Variants in ZBTB20 observed in about 807,000 individuals in gnomAD.
The protein encoded by ZBTB20 is zinc finger and BTB domain-containing protein 20.
A neutral mutation model predicts 56.9 loss-of-function variants in ZBTB20; 9 were observed. That is an observed-to-expected ratio of 0.16 (90% CI 0.10 to 0.28). The LOEUF (loss-of-function observed/expected upper bound fraction) is 0.28, where lower values mean the gene tolerates loss of function less well. Among genes scored for constraint, ZBTB20 ranks in the 10% least tolerant of loss-of-function variants. The pLI, the probability that ZBTB20 is intolerant of heterozygous loss-of-function variation, is 1.00. For missense variants in ZBTB20, 655 were observed against 1,003.0 expected (o/e 0.65, Z 4.69); for synonymous variants, 417 against 420.7 (o/e 0.99, Z 0.11).
chr3:114,526,521 T>A (rs1436963588), intron 6 of ZBTB20, among the ~76,000 whole-genome samples: 3 of 152,080 alleles, frequency 2.0e-5, no homozygotes, highest in Admixed American at 2.0e-4. Flanking sequence ...TGATAAATAA[T>A]AAATAATAAT....
Position 114,317,088 on chromosome 3 carries a change from A to G in ZBTB20, c.*21917T>C, listed in dbSNP as rs1417056730. ...CATGGCCCCTGCATGCTCAAACATC[A>G]CCCATATGTCCCCACGCCTAAGGCT... On this transcript the variant is annotated 3_prime_UTR_variant, in exon 12 of 12. Transcript: ENST00000675478. 6.5e-6 allele frequency: 1 copy of G among 154,402 alleles called. No homozygotes were observed. The highest frequency in any genetic ancestry group is 1.4e-5 in the Non-Finnish European group (1 of 69,468). The allele number at this position is 154,402 out of a possible 1,614,324, so 9.6% of individuals were successfully genotyped here.
chr3:115,037,014 A>G (rs1186916916), intron 2 of ZBTB20, among the ~76,000 whole-genome samples: 2 of 152,184 alleles, frequency 1.3e-5, no homozygotes, highest in Non-Finnish European at 2.9e-5. Context: ...AAGGTTCAGG[A>G]GAATGATTTG....
intron 1 of ZBTB20, among the ~76,000 whole-genome samples, chr3:115,093,977 T>C (rs917198866): frequency 2.6e-5 from 4 of 152,100 alleles, no homozygotes; most frequent in African/African-American, 4.8e-5. Flanking sequence ...ATTATACTTC[T>C]AAGTTTAGAA....
rs1195266715 is a variant in ZBTB20, at chr3:114,314,772, C to T, written c.*24233G>A. ...CAAGAGATAAAACTTCACAGTATTC[C>T]AAAATGTCACAATAATAATAATAAT... is the stretch of plus-strand genomic sequence containing the variant. On this transcript the variant is annotated 3_prime_UTR_variant, in exon 12 of 12. Coordinates refer to ENST00000675478, the MANE Select transcript of ZBTB20 (RefSeq NM_001348800.3). The T allele has an allele frequency of 3.3e-5, 5 of 151,670 alleles. No homozygotes were observed. The highest frequency in any genetic ancestry group is 5.9e-5 in the Non-Finnish European group (4 of 67,948). The allele number at this position is 151,670 out of a possible 1,614,324, so 9.4% of individuals were successfully genotyped here.
Position 114,334,800 on chromosome 3 carries a change from G to A in ZBTB20, c.*4205C>T, listed in dbSNP as rs951419517. On this transcript the variant is annotated 3_prime_UTR_variant, in exon 12 of 12. Coordinates refer to ENST00000675478, the MANE Select transcript of ZBTB20 (RefSeq NM_001348800.3). The stretch of plus-strand genomic sequence containing the variant: ...AGCATTAGGAATTTGGGAAGAGAAC[G>A]GTCTATAAAACTGTTATTAGGAGCT... The A allele has an allele frequency of 1.3e-5, 2 of 152,062 alleles. No individual in the cohort carries two copies. The highest frequency in any genetic ancestry group is 2.4e-5 in the African/African-American group (1 of 41,394). 9.4% of individuals were successfully genotyped at this position (152,062 alleles called of 1,614,324 possible).
chr3:114,398,485 C>T (rs2108680332), intron 7 of ZBTB20, among the ~76,000 whole-genome samples: 1 of 152,256 alleles, frequency 6.6e-6, no homozygotes, highest in South Asian at 2.1e-4. Context: ...TACCCGCCAT[C>T]ACTGCCATTG....
intron 1 of ZBTB20, among the ~76,000 whole-genome samples, chr3:115,108,419 C>T (rs2083784831): frequency 6.6e-6 from 1 of 151,942 alleles, no homozygotes; most frequent in Non-Finnish European, 1.5e-5. Flanking sequence ...AAATGAGTAA[C>T]AATTTGAAGT....
At chr3:114,595,484 A>T (rs1169597759) in intron 6 of ZBTB20, among the ~76,000 whole-genome samples, 1 of 152,234 alleles carries the variant, frequency 6.6e-6, no homozygotes, top group Non-Finnish European at 1.5e-5. Flanking sequence ...CTACATGAAA[A>T]GCAAGTACTC....
intron 11 of ZBTB20, among the ~76,000 whole-genome samples, chr3:114,341,635 C>T (rs1370766074): frequency 1.6e-4 from 25 of 152,234 alleles, no homozygotes; most frequent in Admixed American, 1.6e-3. Flanking sequence ...ATTGATTCCT[C>T]ATAGTTGTCA....
chr3:114,782,555 T>A (rs183384713), intron 5 of ZBTB20, among the ~76,000 whole-genome samples: 10 of 152,216 alleles, frequency 6.6e-5, no homozygotes, highest in Admixed American at 1.3e-4. Context: ...CTTTCTTTTT[T>A]AAAAATGCAT....
chr3:114,653,884 A>C (rs1006827689), intron 6 of ZBTB20, among the ~76,000 whole-genome samples: 1 of 151,904 alleles, frequency 6.6e-6, no homozygotes, highest in African/African-American at 2.4e-5. Context: ...ATTTTATCAA[A>C]GTTGTTGAAA....
chr3:114,452,843 T>C (rs969980568), intron 7 of ZBTB20, among the ~76,000 whole-genome samples: 3 of 152,150 alleles, frequency 2.0e-5, no homozygotes, highest in Non-Finnish European at 2.9e-5. Flanking sequence ...GAATGGTACA[T>C]AATATATATT....
chr3:114,533,812 G>A (rs955374781), intron 6 of ZBTB20, among the ~76,000 whole-genome samples: 4 of 152,192 alleles, frequency 2.6e-5, no homozygotes, highest in Admixed American at 2.6e-4. Flanking sequence ...CTACAGGCCA[G>A]AAGAGAGTGG....
intron 1 of ZBTB20, among the ~76,000 whole-genome samples, chr3:115,110,893 A>G (rs1308553169): frequency 6.6e-6 from 1 of 151,974 alleles, no homozygotes; most frequent in East Asian, 1.9e-4. Context: ...AGAGGCTGAG[A>G]CAGGAAAAAT....
intron 4 of ZBTB20, among the ~76,000 whole-genome samples, chr3:114,855,507 T>C (rs1685411086): frequency 6.6e-6 from 1 of 152,216 alleles, no homozygotes; most frequent in Non-Finnish European, 1.5e-5. Context: ...TGGTTCTCTT[T>C]ATGTTCAAAA....
intron 7 of ZBTB20, among the ~76,000 whole-genome samples, chr3:114,395,934 G>A (rs1316516736): frequency 4.6e-5 from 7 of 152,020 alleles, no homozygotes; most frequent in South Asian, 2.1e-4. Flanking sequence ...TGCCATGAGC[G>A]TTAGCATTAT....
intron 7 of ZBTB20, among the ~76,000 whole-genome samples, chr3:114,455,482 T>C (rs747725918): frequency 6.6e-6 from 1 of 152,154 alleles, no homozygotes; most frequent in Admixed American, 6.5e-5. Flanking sequence ...GATATTTATG[T>C]GCAGGTGCCA....
intron 6 of ZBTB20, among the ~76,000 whole-genome samples, chr3:114,690,312 A>T (rs1039953588): frequency 2.0e-5 from 3 of 152,188 alleles, no homozygotes; most frequent in Non-Finnish European, 2.9e-5. Flanking sequence ...CTAAGATTAA[A>T]TAGACCTGAG....
At chr3:114,347,093 T>G (rs946987003) in intron 11 of ZBTB20, among the ~76,000 whole-genome samples, 4 of 139,332 alleles carry the variant, frequency 2.9e-5, no homozygotes, top group Admixed American at 1.4e-4. Context: ...TTTTTTTTTT[T>G]TTTTTTTTTT....
Sources: allele counts gnomAD v4.1 joint callset (sites outside exome capture counted in the v4.1 genomes callset), GRCh38; gene constraint gnomAD v4.1.1; transcripts MANE v1.5; gene names NCBI Gene and HGNC (gene_info 2026-07-23, HGNC 2026-07-21).